Variants in PCDH11X observed in about 807,000 individuals in gnomAD.
The protein encoded by PCDH11X is protocadherin-11 X-linked.
PCDH11X carries 18 observed loss-of-function variants against 53.3 expected under a neutral mutation model. The ratio of observed to expected loss-of-function variants is 0.34; its 90% CI spans 0.23 to 0.50. PCDH11X has a LOEUF of 0.50. Among genes scored for constraint, PCDH11X ranks in the 20% least tolerant of loss-of-function variants. The pLI is 0.98. For synonymous variants in PCDH11X, 279 were observed against 393.3 expected (o/e 0.71, Z 3.44); for missense variants, 570 against 1,032.4 (o/e 0.55, Z 6.14).
chrX:91,795,844 A>C lies in PCDH11X; in HGVS notation c.-378-13622A>C, dbSNP rs200929521. On this transcript the variant is annotated intron_variant, in intron 1 of 10. Coordinates refer to ENST00000682573, the MANE Select transcript of PCDH11X (RefSeq NM_032968.5). The stretch of plus-strand genomic sequence containing the variant: ...CAGGTCCCTATGACTTAAGACCCCA[A>C]AATACATTAAGGTAAAGTTTTAATG... Among the ~76,000 whole-genome samples the C allele has an allele frequency of 7.7e-3, 855 of 111,612 alleles. 6 individuals are homozygous for C. The highest frequency in any genetic ancestry group is 0.026 in the African/African-American group (811 of 30,817).
At chrX:92,165,527 G>C (rs2065718943) in intron 6 of PCDH11X, among the ~76,000 whole-genome samples, 1 of 111,839 alleles carries the variant, frequency 8.9e-6, no homozygotes. Context: ...ATTAGGCAGT[G>C]CAAGTGAAAA....
intron 9 of PCDH11X, among the ~76,000 whole-genome samples, chrX:92,388,770 G>GA (rs750879865): frequency 0.012 from 1,225 of 105,359 alleles, 14 homozygotes; most frequent in African/African-American, 0.04. Flanking sequence ...AAACCAATAT[G>GA]AAAAAAAATG....
At chrX:91,860,727 G>A (rs1199083375) in intron 5 of PCDH11X, among the ~76,000 whole-genome samples, 1 of 111,773 alleles carries the variant, frequency 8.9e-6, no homozygotes, top group Admixed American at 9.5e-5. Flanking sequence ...TAAGCATGAG[G>A]TTTCTGTCTT....
At chrX:92,434,355 T>C (rs1395413091) in intron 9 of PCDH11X, among the ~76,000 whole-genome samples, 1 of 109,307 alleles carries the variant, frequency 9.1e-6, no homozygotes, top group Non-Finnish European at 1.9e-5. Context: ...ATACTACTTT[T>C]TTCATTGACA....
At chrX:92,064,563 C>A in intron 6 of PCDH11X, among the ~76,000 whole-genome samples, 1 of 109,802 alleles carries the variant, frequency 9.1e-6, no homozygotes, top group Non-Finnish European at 1.9e-5. Flanking sequence ...AGTCTTTCCT[C>A]TTCCCTGTTC....
chrX:92,278,439 G>A (rs1427168137), intron 8 of PCDH11X, among the ~76,000 whole-genome samples: 1 of 111,638 alleles, frequency 9.0e-6, no homozygotes, highest in African/African-American at 3.3e-5. Context: ...CGTGGGTGCA[G>A]GCGGGCTGAG....
intron 7 of PCDH11X, among the ~76,000 whole-genome samples, chrX:92,212,240 A>G (rs67086107): frequency 0.17 from 18,593 of 111,165 alleles, 1,316 homozygotes; most frequent in Admixed American, 0.29. Flanking sequence ...TCAAACTACT[A>G]GCCTCAAGTA....
chrX:92,459,763 G>T, intron 9 of PCDH11X: 1 of 1,161,553 alleles, frequency 8.6e-7, no homozygotes, highest in Non-Finnish European at 1.2e-6. Flanking sequence ...CAGCAGCGCG[G>T]CCAGCGTCTA....
At chrX:92,592,257 A>AT (rs768291038) in intron 10 of PCDH11X, among the ~76,000 whole-genome samples, 3 of 82,051 alleles carry the variant, frequency 3.7e-5, no homozygotes, top group South Asian at 7.2e-4. Flanking sequence ...ATTTATTGAT[A>AT]TTTTTTCCCT....
At chrX:92,209,915 C>T (rs773841953) in intron 7 of PCDH11X, among the ~76,000 whole-genome samples, 2 of 112,266 alleles carry the variant, frequency 1.8e-5, no homozygotes, top group South Asian at 7.4e-4. Context: ...TGGAAGCTGC[C>T]AAGGCTTGGG....
At chrX:92,153,454 C>T (rs1156314998) in intron 6 of PCDH11X, among the ~76,000 whole-genome samples, 3 of 111,377 alleles carry the variant, frequency 2.7e-5, no homozygotes, top group Admixed American at 9.6e-5. Flanking sequence ...TAGTGGTTTA[C>T]TTTTTATCAA....
chrX:92,561,445 C>G (rs1265354790), intron 10 of PCDH11X, among the ~76,000 whole-genome samples: 2 of 75,827 alleles, frequency 2.6e-5, no homozygotes, highest in Non-Finnish European at 5.3e-5. Context: ...ATAAATTTAA[C>G]AAAGAGATTA....
chrX:92,469,000 G>T (rs2073209480), intron 10 of PCDH11X, among the ~76,000 whole-genome samples: 1 of 109,875 alleles, frequency 9.1e-6, no homozygotes, highest in Admixed American at 9.8e-5. Flanking sequence ...CACTCATTGT[G>T]CATATGCACA....
chrX:92,004,728 G>A (rs1254949889), intron 6 of PCDH11X, among the ~76,000 whole-genome samples: 2 of 98,725 alleles, frequency 2.0e-5, no homozygotes, highest in Non-Finnish European at 4.1e-5. Context: ...CCATTGTCCT[G>A]AAATATTTTT....
chrX:92,102,613 G>A (rs764013187), intron 6 of PCDH11X, among the ~76,000 whole-genome samples: 1 of 112,002 alleles, frequency 8.9e-6, no homozygotes, highest in Non-Finnish European at 1.9e-5. Flanking sequence ...GTGAAGCCTT[G>A]TGGCAGTACA....
At chrX:92,238,790 C>G (rs763511695) in intron 7 of PCDH11X, among the ~76,000 whole-genome samples, 15 of 111,400 alleles carry the variant, frequency 1.3e-4, no homozygotes, top group Non-Finnish European at 2.1e-4. Context: ...TAAACTATAT[C>G]TTAATTATTA....
At chrX:91,804,679 A>G (rs187771279) in intron 1 of PCDH11X, among the ~76,000 whole-genome samples, 1,973 of 111,212 alleles carry the variant, frequency 0.018, 20 homozygotes, top group Middle Eastern at 0.058. Context: ...ATTTACAAAC[A>G]TTTTAGTTTT....
rs968993161 is a variant in PCDH11X, at chrX:92,582,850, G to A, written c.3368-35414G>A. On this transcript the variant is annotated intron_variant, in intron 10 of 10. Coordinates refer to ENST00000682573, the MANE Select transcript of PCDH11X (RefSeq NM_032968.5). ...ATGGGAACTCACCTCTTGCATTAGC[G>A]TGACCTGGATGTGAGACATGGAGTC... 9.2e-5 allele frequency among the ~76,000 whole-genome samples: 10 copies of A among 109,100 alleles called. No individual in the cohort carries two copies. The East Asian group carries it at 1.1e-3, about 12-fold the overall frequency. The allele number at this position is 109,100 out of a possible 115,157, so 94.7% of individuals were successfully genotyped here. A position where few individuals can be genotyped will look rare whatever the true frequency, so the allele number is the denominator to read the frequency against.
At chrX:92,153,202 A>G (rs761609946) in intron 6 of PCDH11X, among the ~76,000 whole-genome samples, 89 of 109,822 alleles carry the variant, frequency 8.1e-4, no homozygotes, top group Non-Finnish European at 1.7e-4. Flanking sequence ...ATCGACCTAC[A>G]GGAGGATGCA....
Sources: gnomAD v4.1 joint callset for allele counts (sites outside exome capture counted in the v4.1 genomes callset) on GRCh38, gnomAD v4.1.1 for gene constraint, MANE v1.5 for transcripts, NCBI Gene and HGNC (gene_info 2026-07-23, HGNC 2026-07-21) for gene names.